Variants in PRKAR1B observed in about 807,000 individuals in gnomAD.
The protein encoded by PRKAR1B is protein kinase cAMP-dependent type I regulatory subunit beta, also known as cAMP-dependent protein kinase type I-beta regulatory subunit.
PRKAR1B carries 22 observed loss-of-function variants against 46.5 expected under a neutral mutation model. The ratio of observed to expected loss-of-function variants is 0.47; its 90% CI spans 0.34 to 0.68. The LOEUF is 0.68. Ranked by LOEUF, PRKAR1B falls within the 30% of genes least tolerant of loss-of-function variation. The pLI is 0.01. For synonymous variants in PRKAR1B, 259 were observed against 217.7 expected (o/e 1.19, Z -1.67); for missense variants, 445 against 535.6 (o/e 0.83, Z 1.67).
chr7:705,487 T>G (rs1780278423), intron 2 of PRKAR1B, among the ~76,000 whole-genome samples: 1 of 152,022 alleles, frequency 6.6e-6, no homozygotes, highest in Admixed American at 6.6e-5. Context: ...TTTGGCAGTT[T>G]CTTATAAACA....
intron 4 of PRKAR1B, among the ~76,000 whole-genome samples, chr7:624,323 T>G (rs1205627761): frequency 6.6e-6 from 1 of 152,228 alleles, no homozygotes; most frequent in African/African-American, 2.4e-5. Context: ...ATCCCAGCTA[T>G]TCAGGAGACT....
intron 4 of PRKAR1B, among the ~76,000 whole-genome samples, chr7:617,502 TTGG>T: frequency 6.6e-6 from 1 of 152,120 alleles, no homozygotes; most frequent in African/African-American, 2.4e-5. Flanking sequence ...AAGCTAATTT[TTGG>T]TGTGCAAATG....
chr7:551,380 T>G lies in PRKAR1B; in HGVS notation c.973+9A>C. 2 of 1,553,670 alleles carry G rather than the reference T, an allele frequency of 1.3e-6. No homozygotes were observed. Among genetic ancestry groups the G allele is most frequent in the Non-Finnish European group, 1.7e-6 (2 of 1,148,492 alleles). On this transcript the variant is annotated intron_variant, in intron 10 of 10. Coordinates refer to ENST00000537384, the MANE Select transcript of PRKAR1B (RefSeq NM_001164760.2). ...GCCGTGCGAGGGAGGGGACGCCCAC[T>G]GGACTCACCGAAGTAGTCAGAGGGT... is the stretch of plus-strand genomic sequence containing the variant.
chr7:616,754 A>G (rs1782843203), intron 4 of PRKAR1B, among the ~76,000 whole-genome samples: 1 of 152,136 alleles, frequency 6.6e-6, no homozygotes, highest in East Asian at 1.9e-4. Context: ...TGCCCGCGGC[A>G]TCGATGTTTT....
chr7:581,074 C>T (rs184585427), intron 8 of PRKAR1B, among the ~76,000 whole-genome samples: 219 of 152,212 alleles, frequency 1.4e-3, no homozygotes, highest in African/African-American at 4.9e-3. Context: ...GAGGCCGAGG[C>T]GGGCGGATCA....
At position 664,041 on chromosome 7, in the gene PRKAR1B, G is replaced by T. The variant is rs536637887; in HGVS notation, c.440+13188C>A. Among the ~76,000 whole-genome samples, 11 of 152,268 alleles carry T rather than the reference G, an allele frequency of 7.2e-5. No individual in the cohort carries two copies. The South Asian group carries it at 8.3e-4, about 11-fold the overall frequency. The stretch of plus-strand genomic sequence containing the variant: ...CACCAAATTGCTGACAAGATGCTTT[G>T]TATTACAAGGAGCCCCATAGGGCCA... On this transcript the variant is annotated intron_variant, in intron 4 of 10. Transcript: ENST00000537384.
At chr7:693,977 T>C (rs1478376444) in intron 2 of PRKAR1B, among the ~76,000 whole-genome samples, 1 of 152,204 alleles carries the variant, frequency 6.6e-6, no homozygotes, top group Non-Finnish European at 1.5e-5. Flanking sequence ...TGTACTGCCT[T>C]TGCGATAACC....
intron 4 of PRKAR1B, among the ~76,000 whole-genome samples, chr7:616,727 G>C (rs923296781): frequency 3.9e-5 from 6 of 152,196 alleles, no homozygotes; most frequent in Non-Finnish European, 5.9e-5. Flanking sequence ...CCAGCTCTAA[G>C]GTGTGGTTCC....
intron 4 of PRKAR1B, among the ~76,000 whole-genome samples, chr7:613,761 ACTTC>A (rs1554293124): frequency 6.6e-6 from 1 of 152,208 alleles, no homozygotes; most frequent in Non-Finnish European, 1.5e-5. Context: ...TAGAAATGCC[ACTTC>A]CTTCCTCCTC....
intron 9 of PRKAR1B, among the ~76,000 whole-genome samples, chr7:551,816 C>T (rs1784228671): frequency 6.9e-6 from 1 of 144,458 alleles, no homozygotes; most frequent in Non-Finnish European, 1.5e-5. Flanking sequence ...CCCAAACCCC[C>T]ACCTCCCACC....
chr7:695,808 T>C (rs901307756), intron 2 of PRKAR1B, among the ~76,000 whole-genome samples: 5 of 151,354 alleles, frequency 3.3e-5, no homozygotes, highest in East Asian at 3.9e-4. Flanking sequence ...GGACTACAGG[T>C]GCCTGCCACC....
Position 607,416 on chromosome 7 carries a change from G to C in PRKAR1B, c.477C>G (p.Ile159Met). The C allele has an allele frequency of 6.2e-7, 1 of 1,613,942 alleles. No homozygotes were observed. Among genetic ancestry groups the C allele is most frequent in the Non-Finnish European group, 8.5e-7 (1 of 1,179,868 alleles). Reference protein sequence around the residue: ...IFDAMFPVTHIAGETVIQQGN... With the variant: ...IFDAMFPVTHMAGETVIQQGN... ...CTTGCTGTATAACAGTCTCCCCAGC[G>C]ATGTGAGTGACAGGGAACATGGCAT... The change falls in exon 5 of 11, where the codon ATC becomes ATG. Residue 159 changes from isoleucine (I) to methionine (M), a missense_variant. Physicochemically the swap from Ile to Met is conservative, Grantham distance 10. Around this residue, in one of 5 missense-constraint regions of PRKAR1B, gnomAD observed 94 missense variants for 126.9 expected, o/e 0.74. Coordinates refer to ENST00000537384, the MANE Select transcript of PRKAR1B (RefSeq NM_001164760.2).
intron 4 of PRKAR1B, among the ~76,000 whole-genome samples, chr7:611,183 A>C (rs999882645): frequency 6.6e-6 from 1 of 152,250 alleles, no homozygotes; most frequent in Admixed American, 6.5e-5. Context: ...CCCTATCATG[A>C]ACGCTCCTCC....
intron 2 of PRKAR1B, among the ~76,000 whole-genome samples, chr7:708,883 C>G (rs549863294): frequency 3.6e-4 from 55 of 151,602 alleles, no homozygotes; most frequent in African/African-American, 1.3e-3. Flanking sequence ...CCTCCACCTC[C>G]CGGGTTCAAG....
intron 9 of PRKAR1B, among the ~76,000 whole-genome samples, chr7:554,352 C>T (rs1778272765): frequency 2.6e-5 from 4 of 152,278 alleles, no homozygotes; most frequent in Admixed American, 2.0e-4. Context: ...TCACGCTGAC[C>T]TTGCGGACAG....
At chr7:567,678 T>C (rs1381707047) in intron 9 of PRKAR1B, among the ~76,000 whole-genome samples, 1 of 152,090 alleles carries the variant, frequency 6.6e-6, no homozygotes, top group Non-Finnish European at 1.5e-5. Context: ...AACAACGGAA[T>C]ATTATTCAGC....
chr7:681,957 T>C (rs531728865), intron 2 of PRKAR1B, among the ~76,000 whole-genome samples: 7 of 152,150 alleles, frequency 4.6e-5, no homozygotes, highest in Non-Finnish European at 8.8e-5. Context: ...GGCTCTGTGG[T>C]CTGAGGACAC....
At chr7:551,619 C>T in intron 9 of PRKAR1B, 149 bp from the exon 10 acceptor site, 1 of 737,114 alleles carries the variant, frequency 1.4e-6, no homozygotes, top group Admixed American at 2.3e-5. Flanking sequence ...ACCACGTCAC[C>T]ACCCAAACCC....
At chr7:586,536 A>T (rs1481195316) in intron 7 of PRKAR1B, among the ~76,000 whole-genome samples, 1 of 152,168 alleles carries the variant, frequency 6.6e-6, no homozygotes, top group Non-Finnish European at 1.5e-5. Context: ...CCACCACAGA[A>T]ATCTCCTCTG....
Sources: gnomAD v4.1 joint callset for allele counts (sites outside exome capture counted in the v4.1 genomes callset) on GRCh38, gnomAD v4.1.1 for gene constraint, gnomAD v4.1.1 regional missense constraint, MANE v1.5 for transcripts, NCBI Gene and HGNC (gene_info 2026-07-23, HGNC 2026-07-21) for gene names.